FAM170A: variants seen among roughly 807,000 people sequenced by gnomAD.
FAM170A encodes protein FAM170A.
In FAM170A, 28 loss-of-function variants were observed where a neutral mutation model predicts 36.6. That is an observed-to-expected ratio of 0.76 (90% CI 0.57 to 1.05). FAM170A has a LOEUF of 1.05. Among genes scored for constraint, FAM170A ranks in the 50% least tolerant of loss-of-function variants. The pLI, the probability that FAM170A is intolerant of heterozygous loss-of-function variation, is 0.00. For synonymous variants in FAM170A, 156 were observed against 143.9 expected, an observed-to-expected ratio of 1.08 and a Z score of -0.60; for missense variants, 434 against 396.5, an observed-to-expected ratio of 1.09 and a Z score of -0.80.
At chr5:119,632,063 G>C (rs777202507) in intron 1 of FAM170A, among the ~76,000 whole-genome samples, 2 of 152,070 alleles carry the variant, frequency 1.3e-5, no homozygotes, top group African/African-American at 4.8e-5. Flanking sequence ...ACATACTTAC[G>C]CTAAAAAAAT....
At chr5:119,629,662 T>C in exon 1 of FAM170A, 1 of 834,386 alleles carries the variant, frequency 1.2e-6, no homozygotes, top group Non-Finnish European at 2.0e-6. Flanking sequence ...CGTTTACTCG[T>C]ACTGAATCTT....
chr5:119,630,123 C>T (rs1756212382), intron 1 of FAM170A, among the ~76,000 whole-genome samples: 1 of 139,358 alleles, frequency 7.2e-6, no homozygotes, highest in African/African-American at 2.7e-5. Flanking sequence ...GATCTCCTGA[C>T]CTCCTGATCC....
chr5:119,632,751 T>A lies in FAM170A; in HGVS notation c.74T>A (p.Met25Lys), dbSNP rs368464715. The A allele has an allele frequency of 5.7e-6, 9 of 1,587,398 alleles. No individual in the cohort carries two copies. Among genetic ancestry groups the A allele is most frequent in the Non-Finnish European group, 7.7e-6 (9 of 1,163,622 alleles). The stretch of plus-strand genomic sequence containing the variant: ...GTTCCCTTCATACCTTTCTCAGGAA[T>A]GTCAAAGTCCCAAGAGGATGCCCTG... Residue 25 changes from methionine to lysine, a missense_variant, in exon 2 of 5, where the codon ATG becomes AAG. By Grantham distance (95) the Met-to-Lys change is moderately conservative (BLOSUM62 -1). Transcript: ENST00000613773.
chr5:119,633,833 C>T, intron 2 of FAM170A, 127 bp from the exon 3 acceptor site: 1 of 1,241,630 alleles, frequency 8.1e-7, no homozygotes, highest in Non-Finnish European at 1.1e-6. Flanking sequence ...ACAACAAATA[C>T]CAAGCTCACT....
rs755918496 is a variant in FAM170A at position 119,634,387 on chromosome 5, C to T, written c.639C>T (p.Pro213=). ...GCTCACCCACCGTTGAGGACACACC[C>T]AGAGCCAAGACTCCTGACTGGCTGG... Residue 213 remains proline, a synonymous_variant, in exon 3 of 5, where the codon CCC becomes CCT. Coordinates refer to ENST00000613773, the Ensembl canonical transcript of FAM170A. The T allele has an allele frequency of 5.0e-6, 8 of 1,614,176 alleles. No homozygotes were observed. In the South Asian group the frequency reaches 8.8e-5, roughly 18 times the overall value.
At chr5:119,634,890 T>G in intron 3 of FAM170A, 138 bp from the exon 4 acceptor site, 1 of 1,277,982 alleles carries the variant, frequency 7.8e-7, no homozygotes, top group Non-Finnish European at 1.1e-6. Context: ...GATCCCTGCT[T>G]CTTGCCTAGG....
chr5:119,634,300 CAGTG>C lies in FAM170A; in HGVS notation c.555_558del (p.Glu186ProfsTer36). 1 of 1,614,184 alleles carries C rather than the reference CAGTG, an allele frequency of 6.2e-7. No individual in the cohort carries two copies. The highest frequency in any genetic ancestry group is 8.5e-7 in the Non-Finnish European group (1 of 1,180,038). ...TGTCCACCAGAAACCTCCTGTCTGA[CAGTG>C]AGCCCAGTGGGGAGGAGAAAGAGCA... On this transcript the variant is annotated frameshift_variant, in exon 3 of 5. Coordinates refer to ENST00000613773, the Ensembl canonical transcript of FAM170A. LOFTEE classifies it high-confidence loss of function.
chr5:119,632,740 T>G lies in FAM170A; in HGVS notation c.71-8T>G. On this transcript the variant is annotated splice_polypyrimidine_tract_variant and splice_region_variant and intron_variant, in intron 1 of 4. Coordinates refer to ENST00000613773, the Ensembl canonical transcript of FAM170A. ...ATCATATCTCTGTTCCCTTCATACCTTTCTCAGGAATGTCAAAGTCCCAAG... is the reference window on the plus strand; with the variant it reads ...ATCATATCTCTGTTCCCTTCATACCGTTCTCAGGAATGTCAAAGTCCCAAG... 1 of 1,578,510 alleles carries G rather than the reference T, an allele frequency of 6.3e-7. No individual in the cohort carries two copies. Among genetic ancestry groups the G allele is most frequent in the Non-Finnish European group, 8.6e-7 (1 of 1,158,106 alleles).
At chr5:119,633,711 A>T (rs1345636241) in intron 2 of FAM170A, among the ~76,000 whole-genome samples, 3 of 152,068 alleles carry the variant, frequency 2.0e-5, no homozygotes, top group Non-Finnish European at 4.4e-5. Flanking sequence ...CATGCTGCCG[A>T]CATTCCACAT....
chr5:119,629,895 T>G (rs1023050244), intron 1 of FAM170A, 57 bp downstream of exon 1: 109 of 1,378,198 alleles, frequency 7.9e-5, no homozygotes, highest in Admixed American at 3.4e-4. Context: ...CTGAGCCGCC[T>G]TCTTTTTCTT....
intron 4 of FAM170A, 38 bp downstream of exon 4, chr5:119,635,124 G>T: frequency 1.4e-6 from 2 of 1,464,024 alleles, no homozygotes; most frequent in Non-Finnish European, 1.9e-6. Context: ...AGGCTGTGTT[G>T]TGAGGGCCCA....
chr5:119,632,979 G>C, intron 2 of FAM170A, 91 bp downstream of exon 2: 2 of 1,398,930 alleles, frequency 1.4e-6, no homozygotes, highest in South Asian at 1.5e-5. Flanking sequence ...CTGTGGGCAT[G>C]AGACTCTTTG....
chr5:119,629,576 A>G, exon 1 of FAM170A: 1 of 461,812 alleles, frequency 2.2e-6, no homozygotes, highest in South Asian at 2.6e-5. Context: ...ACAGCCCTGC[A>G]GTGTAGTGGG....
At position 119,632,843 on chromosome 5, in the gene FAM170A, G is replaced by A. The variant is rs372002549; in HGVS notation, c.166G>A (p.Glu56Lys). 28 of 1,612,758 alleles carry A rather than the reference G, an allele frequency of 1.7e-5. No individual in the cohort carries two copies. The highest frequency in any genetic ancestry group is 2.2e-5 in the East Asian group (1 of 44,864). The change falls in exon 2 of 5, where the codon GAA (glutamate) becomes AAA (lysine). Residue 56 changes from glutamate (E) to lysine (K), a missense_variant. Glu to Lys is a moderately conservative substitution (Grantham distance 56). Coordinates refer to ENST00000613773, the Ensembl canonical transcript of FAM170A. The stretch of plus-strand genomic sequence containing the variant: ...GGTGGGAGAAGTTACTTCTACCTCC[G>A]AATACTGCTCCTGCGTTTCTTCTTC...
At chr5:119,635,394 G>A (rs534987727) in intron 4 of FAM170A, among the ~76,000 whole-genome samples, 3 of 152,316 alleles carry the variant, frequency 2.0e-5, no homozygotes, top group African/African-American at 7.2e-5. Flanking sequence ...AGGACAGGAT[G>A]CCAGCAAGAT....
Position 119,634,004 on chromosome 5 carries a change from CT to C in FAM170A, c.257del (p.Leu86ArgfsTer34). The C allele has an allele frequency of 6.2e-7, 1 of 1,614,164 alleles. No individual in the cohort carries two copies. Among genetic ancestry groups the C allele is most frequent in the Non-Finnish European group, 8.5e-7 (1 of 1,180,020 alleles). ...AGACAGCCCCCAGCCTCAATCACCCCTGGCCCAGGTTCAGGAACGAGGAGAG... is the reference window on the plus strand; with the variant it reads ...AGACAGCCCCCAGCCTCAATCACCCCGGCCCAGGTTCAGGAACGAGGAGAG... On this transcript the variant is annotated frameshift_variant, in exon 3 of 5. Transcript: ENST00000613773. LOFTEE classifies it high-confidence loss of function.
rs768245082 is a variant in FAM170A, at chr5:119,635,119, G to A, written c.*52+33G>A. On this transcript the variant is annotated intron_variant, in intron 4 of 4. Coordinates refer to ENST00000613773, the Ensembl canonical transcript of FAM170A. The stretch of plus-strand genomic sequence containing the variant: ...GTGAGACTTGCAGTTTTCTGAGGCT[G>A]TGTTGTGAGGGCCCAGAGGAATCCA... The A allele has an allele frequency of 2.0e-6, 3 of 1,484,136 alleles. No individual in the cohort carries two copies. In the South Asian group the frequency reaches 3.4e-5, roughly 17 times the overall value. 91.9% of individuals were successfully genotyped at this position (1,484,136 alleles called of 1,614,324 possible). A position where few individuals can be genotyped will look rare whatever the true frequency, so the allele number is the denominator to read the frequency against.
At chr5:119,631,871 T>C (rs1391533760) in intron 1 of FAM170A, among the ~76,000 whole-genome samples, 1 of 152,206 alleles carries the variant, frequency 6.6e-6, no homozygotes, top group Non-Finnish European at 1.5e-5. Context: ...CTGCTTTGCA[T>C]AGACCACAAC....
At chr5:119,633,394 C>A (rs780467802) in intron 2 of FAM170A, among the ~76,000 whole-genome samples, 7 of 152,060 alleles carry the variant, frequency 4.6e-5, no homozygotes, top group Non-Finnish European at 8.8e-5. Context: ...GGAGCAGAGG[C>A]CAGAAAAGTC....
Sources: gnomAD v4.1 joint callset for allele counts (sites outside exome capture counted in the v4.1 genomes callset) on GRCh38, gnomAD v4.1.1 for gene constraint, MANE v1.5 for transcripts, NCBI Gene and HGNC (gene_info 2026-07-23, HGNC 2026-07-21) for gene names.